Variants in ENTREP2 observed in about 807,000 individuals in gnomAD.
ENTREP2 encodes protein ENTREP2.
At chr15:29,633,828 G>A in the ENTREP2 span, among the ~76,000 whole-genome samples, 11 of 152,118 alleles carry the variant, frequency 7.2e-5, no homozygotes, top group Admixed American at 2.0e-4. Context: ...GCGTGGTGAC[G>A]GGTGCCTGTA....
chr15:29,315,872 T>A, the ENTREP2 span, among the ~76,000 whole-genome samples: 1 of 152,110 alleles, frequency 6.6e-6, no homozygotes. Flanking sequence ...CACTAAGTTA[T>A]AAAACCAAAG....
At chr15:29,649,529 T>C in the ENTREP2 span, among the ~76,000 whole-genome samples, 1 of 151,886 alleles carries the variant, frequency 6.6e-6, no homozygotes, top group African/African-American at 2.4e-5. Context: ...GAGACCAGCC[T>C]GGCCAACATG....
At chr15:29,531,833 T>G in the ENTREP2 span, among the ~76,000 whole-genome samples, 2 of 152,064 alleles carry the variant, frequency 1.3e-5, no homozygotes, top group Non-Finnish European at 2.9e-5. Context: ...GCCTGGCTAA[T>G]TTTTGTATTT....
At chr15:29,327,681 T>C in the ENTREP2 span, among the ~76,000 whole-genome samples, 2 of 151,798 alleles carry the variant, frequency 1.3e-5, no homozygotes, top group African/African-American at 4.8e-5. Flanking sequence ...GACATAATGT[T>C]CAATATCATT....
chr15:29,259,481 G>A, the ENTREP2 span, among the ~76,000 whole-genome samples: 6 of 152,168 alleles, frequency 3.9e-5, no homozygotes, highest in Non-Finnish European at 7.3e-5. Flanking sequence ...AGTTCCAGCC[G>A]ACACTTGAAG....
the ENTREP2 span, among the ~76,000 whole-genome samples, chr15:29,289,017 C>G: frequency 6.6e-6 from 1 of 152,014 alleles, no homozygotes; most frequent in South Asian, 2.1e-4. Context: ...CCAGCCTGGG[C>G]AACGTGGCAA....
chr15:29,302,911 C>A, the ENTREP2 span, among the ~76,000 whole-genome samples: 1 of 152,158 alleles, frequency 6.6e-6, no homozygotes, highest in African/African-American at 2.4e-5. Flanking sequence ...GGAATTGATT[C>A]TAATGCTGCA....
the ENTREP2 span, among the ~76,000 whole-genome samples, chr15:29,528,245 T>C: frequency 6.6e-6 from 1 of 151,790 alleles, no homozygotes; most frequent in Non-Finnish European, 1.5e-5. Flanking sequence ...TGTGACAGCA[T>C]CTGAGATTGC....
the ENTREP2 span, among the ~76,000 whole-genome samples, chr15:29,356,048 A>G: frequency 6.6e-6 from 1 of 152,022 alleles, no homozygotes; most frequent in East Asian, 1.9e-4. Context: ...CTCTGTTCCA[A>G]TAGCGATGGT....
At chr15:29,631,630 A>G in the ENTREP2 span, among the ~76,000 whole-genome samples, 3 of 152,256 alleles carry the variant, frequency 2.0e-5, no homozygotes, top group East Asian at 5.8e-4. Context: ...TGGGTTGATC[A>G]GCTGTCTGCG....
the ENTREP2 span, among the ~76,000 whole-genome samples, chr15:29,324,895 T>C: frequency 2.0e-5 from 3 of 152,194 alleles, no homozygotes; most frequent in Non-Finnish European, 2.9e-5. Flanking sequence ...TACACATTCT[T>C]CTCAAGCTCA....
chr15:29,307,429 G>A, the ENTREP2 span, among the ~76,000 whole-genome samples: 3 of 152,314 alleles, frequency 2.0e-5, no homozygotes, highest in African/African-American at 7.2e-5. Context: ...ATCAGGCATT[G>A]GATACAGATC....
chr15:29,381,096 C>T, the ENTREP2 span, among the ~76,000 whole-genome samples: 4 of 145,242 alleles, frequency 2.8e-5, no homozygotes, highest in South Asian at 6.8e-4. Context: ...ATTATCTGCC[C>T]GCCTCGGCAC....
the ENTREP2 span, among the ~76,000 whole-genome samples, chr15:29,436,908 C>T: frequency 5.3e-5 from 8 of 152,308 alleles, no homozygotes; most frequent in South Asian, 2.1e-4. Flanking sequence ...GAATTTCAAA[C>T]GGTCATATTT....
chr15:29,182,656 A>AAG, the ENTREP2 span, among the ~76,000 whole-genome samples: 2,754 of 150,324 alleles, frequency 0.018, 51 homozygotes, highest in African/African-American at 0.048. Context: ...ATGAGAAAGA[A>AAG]AGAGAGAGAG....
the ENTREP2 span, among the ~76,000 whole-genome samples, chr15:29,397,655 T>C: frequency 1.4e-4 from 21 of 152,340 alleles, 1 homozygote; most frequent in South Asian, 4.1e-3. Context: ...GCTAAATTAC[T>C]ACAATTGATT....
At chr15:29,629,702 G>A in the ENTREP2 span, among the ~76,000 whole-genome samples, 3 of 152,184 alleles carry the variant, frequency 2.0e-5, no homozygotes, top group Non-Finnish European at 2.9e-5. Context: ...GAGAAGGATA[G>A]TCTATTACGT....
chr15:29,636,955 A>G, the ENTREP2 span, among the ~76,000 whole-genome samples: 1 of 152,214 alleles, frequency 6.6e-6, no homozygotes, highest in South Asian at 2.1e-4. Flanking sequence ...TCAACTATAT[A>G]TACTTGATTT....
the ENTREP2 span, among the ~76,000 whole-genome samples, chr15:29,342,072 G>A: frequency 1.2e-4 from 18 of 152,302 alleles, no homozygotes; most frequent in South Asian, 3.5e-3. Flanking sequence ...TCTAAGTGAT[G>A]AGGCAGATTC....
Sources: gnomAD v4.1 joint callset for allele counts (sites outside exome capture counted in the v4.1 genomes callset) on GRCh38, gnomAD v4.1.1 for gene constraint, MANE v1.5 for transcripts, NCBI Gene and HGNC (gene_info 2026-07-23, HGNC 2026-07-21) for gene names.